Variants in CSMD2 observed in about 807,000 individuals in gnomAD.
The protein encoded by CSMD2 is CUB and sushi domain-containing protein 2.
In CSMD2, 130 loss-of-function variants were observed where a neutral mutation model predicts 398.5. The observed-to-expected ratio is 0.33, with a 90% CI of 0.28 to 0.38. CSMD2 has a LOEUF of 0.38. CSMD2 is among the 10% of genes least tolerant of loss of function. The probability of loss-of-function intolerance (pLI) is 1.00; values close to 1 mark genes in which losing one functional copy is unlikely to be tolerated. For synonymous variants in CSMD2, 1,828 were observed against 1,908.5 expected (o/e 0.96, Z 1.10); for missense variants, 3,829 against 4,764.9 (o/e 0.80, Z 5.78).
chr1:33,573,601 A>G (rs1374324616), intron 49 of CSMD2, among the ~76,000 whole-genome samples: 5 of 152,216 alleles, frequency 3.3e-5, no homozygotes, highest in Non-Finnish European at 2.9e-5. Flanking sequence ...AGAGATGAAA[A>G]GTAAATTTCT....
chr1:34,005,338 A>G (rs1407005417), intron 3 of CSMD2, among the ~76,000 whole-genome samples: 1 of 152,222 alleles, frequency 6.6e-6, no homozygotes, highest in East Asian at 1.9e-4. Context: ...TGCTTAGGCT[A>G]TGGGAGAGGA....
chr1:34,114,751 G>T (rs1193684486), intron 1 of CSMD2, among the ~76,000 whole-genome samples: 1 of 152,108 alleles, frequency 6.6e-6, no homozygotes, highest in Non-Finnish European at 1.5e-5. Flanking sequence ...CAATTCTAAA[G>T]AAATGGAGAT....
intron 26 of CSMD2, among the ~76,000 whole-genome samples, chr1:33,662,630 C>T (rs1417354886): frequency 2.0e-5 from 3 of 152,172 alleles, no homozygotes; most frequent in Non-Finnish European, 4.4e-5. Flanking sequence ...CCTTGATGCT[C>T]CAAGGTGACC....
intron 1 of CSMD2, among the ~76,000 whole-genome samples, chr1:34,116,760 C>G (rs1385702327): frequency 2.0e-5 from 3 of 151,960 alleles, no homozygotes; most frequent in Admixed American, 6.6e-5. Flanking sequence ...TAAGTCTTAA[C>G]AAATTCAAGA....
At chr1:33,564,954 C>T (rs1233904846) in intron 53 of CSMD2, among the ~76,000 whole-genome samples, 1 of 152,062 alleles carries the variant, frequency 6.6e-6, no homozygotes, top group African/African-American at 2.4e-5. Context: ...CAGTGATTGC[C>T]TAAATCAAAA....
chr1:34,023,265 G>T (rs891044263), intron 3 of CSMD2, among the ~76,000 whole-genome samples: 33 of 152,200 alleles, frequency 2.2e-4, no homozygotes, highest in Admixed American at 2.0e-3. Context: ...AGACTCCCAA[G>T]AGGACGGTTC....
intron 25 of CSMD2, among the ~76,000 whole-genome samples, chr1:33,689,011 C>T (rs948754186): frequency 2.1e-5 from 3 of 140,642 alleles, no homozygotes; most frequent in South Asian, 2.3e-4. Flanking sequence ...GGGGTTGAGG[C>T]GGAGGGAGAG....
chr1:33,815,476 T>A (rs933284667), intron 9 of CSMD2: 4 of 152,160 alleles, frequency 2.6e-5, no homozygotes, highest in African/African-American at 9.7e-5. Context: ...ATATCAAAAT[T>A]AAAAGTTACC....
intron 28 of CSMD2, among the ~76,000 whole-genome samples, chr1:33,648,361 C>CA (rs61207590): frequency 0.03 from 2,158 of 71,392 alleles, 34 homozygotes; most frequent in African/African-American, 0.052. Flanking sequence ...GACTCTGTCT[C>CA]AAAAAAAAAA....
chr1:33,582,877 G>A (rs568426360), intron 47 of CSMD2, among the ~76,000 whole-genome samples: 3 of 152,202 alleles, frequency 2.0e-5, no homozygotes, highest in Non-Finnish European at 4.4e-5. Flanking sequence ...GAATGTAGCT[G>A]TTGATCTGGC....
rs773861096 is a variant in CSMD2, at chr1:33,693,025, C to T, written c.3957G>A (p.Val1319=). ...ACCCGGGTGACAGCACCTGCCCCGA[C>T]ACCTCTCCTCTCACTGTCCCTCCAC... ...AECGGTVRGE[V]SGQVLSPGYP... is the part of the protein sequence containing the mutation. The change falls in exon 25 of 71, where the codon GTG becomes GTA. Residue 1319 remains valine, a synonymous_variant. Transcript: ENST00000373381. The T allele has an allele frequency of 6.2e-7, 1 of 1,602,390 alleles. No individual in the cohort carries two copies. Among genetic ancestry groups the T allele is most frequent in the Non-Finnish European group, 8.5e-7 (1 of 1,175,140 alleles).
intron 1 of CSMD2, among the ~76,000 whole-genome samples, chr1:34,092,979 C>CAAAA (rs1658817473): frequency 6.6e-6 from 1 of 152,106 alleles, no homozygotes; most frequent in African/African-American, 2.4e-5. Context: ...AAAAAGACAG[C>CAAAA]AGTAACCTCT....
rs1014375765 is a variant in CSMD2, at chr1:33,959,310, T to C, written c.518-23356A>G. ...AAACTCCGCAAAGGCAGGGATCGTG[T>C]ATGCCTCATCCTTATCAACTGCCCA... On this transcript the variant is annotated intron_variant, in intron 3 of 70. Transcript: ENST00000373381. Among the ~76,000 whole-genome samples the C allele has an allele frequency of 5.9e-5, 9 of 152,206 alleles. No individual in the cohort carries two copies. In the East Asian group the frequency reaches 1.5e-3, roughly 26 times the overall value.
intron 26 of CSMD2, among the ~76,000 whole-genome samples, chr1:33,660,970 T>C (rs1257526433): frequency 6.6e-6 from 1 of 151,672 alleles, no homozygotes; most frequent in African/African-American, 2.4e-5. Flanking sequence ...TGCCGTGGGC[T>C]ATAGCAGTTT....
At chr1:33,752,550 C>A (rs1384433473) in intron 13 of CSMD2, among the ~76,000 whole-genome samples, 1 of 152,170 alleles carries the variant, frequency 6.6e-6, no homozygotes, top group Non-Finnish European at 1.5e-5. Context: ...AATTACCCAG[C>A]TTCAAGTATT....
chr1:33,948,264 G>A (rs1401363257), intron 3 of CSMD2, among the ~76,000 whole-genome samples: 1 of 152,134 alleles, frequency 6.6e-6, no homozygotes, highest in Non-Finnish European at 1.5e-5. Context: ...ATCTGTTCAG[G>A]TCCTCTGAAG....
intron 48 of CSMD2, among the ~76,000 whole-genome samples, chr1:33,580,169 G>A (rs1638592092): frequency 6.6e-6 from 1 of 152,168 alleles, no homozygotes; most frequent in Admixed American, 6.5e-5. Flanking sequence ...TTCAAAGTGG[G>A]CATCAAGCAC....
chr1:33,586,321 T>C (rs370562322), intron 46 of CSMD2, among the ~76,000 whole-genome samples, 183 bp downstream of exon 46: 4 of 152,226 alleles, frequency 2.6e-5, no homozygotes, highest in African/African-American at 9.7e-5. Context: ...AGAACCTATC[T>C]AGAGTGATCA....
intron 5 of CSMD2, chr1:33,868,837 T>A (rs931611455): frequency 9.9e-5 from 15 of 152,072 alleles, no homozygotes; most frequent in African/African-American, 3.6e-4. Flanking sequence ...ATGAGATAAA[T>A]GATGATAGAT....
Sources: gnomAD v4.1 joint callset for allele counts (sites outside exome capture counted in the v4.1 genomes callset) on GRCh38, gnomAD v4.1.1 for gene constraint, MANE v1.5 for transcripts, NCBI Gene and HGNC (gene_info 2026-07-23, HGNC 2026-07-21) for gene names.